Variants in DCC observed in about 807,000 individuals in gnomAD.
DCC encodes DCC netrin 1 receptor.
DCC carries 58 observed loss-of-function variants against 172.5 expected under a neutral mutation model. The observed-to-expected ratio is 0.34, with a 90% CI of 0.27 to 0.42. The LOEUF is 0.42. DCC is among the 10% of genes least tolerant of loss of function. The probability of loss-of-function intolerance (pLI) is 1.00; values close to 1 mark genes in which losing one functional copy is unlikely to be tolerated. For synonymous variants in DCC, 709 were observed against 644.5 expected (o/e 1.10, Z -1.52); for missense variants, 1,740 against 1,791.0 (o/e 0.97, Z 0.51).
chr18:52,617,686 T>C (rs545135330), intron 1 of DCC, among the ~76,000 whole-genome samples: 1 of 152,330 alleles, frequency 6.6e-6, no homozygotes, highest in Admixed American at 6.5e-5. Context: ...ATCTTTGCTT[T>C]CTTACCGTTC....
At chr18:53,288,885 ACTGG>A (rs1252795677) in intron 12 of DCC, among the ~76,000 whole-genome samples, 12 of 152,108 alleles carry the variant, frequency 7.9e-5, no homozygotes, top group African/African-American at 2.9e-4. Context: ...AATTGACCTG[ACTGG>A]CTGTTGAATG....
rs552233703 is a variant in DCC, at chr18:52,917,110, C to T, written c.698-6597C>T. On this transcript the variant is annotated intron_variant, in intron 3 of 28. Transcript: ENST00000442544. ...CCAGCCTGGGCAGTCTGGTGAAACC[C>T]CGTCTCAAAAAAAAAAAAAAAGAAA... Among the ~76,000 whole-genome samples the T allele has an allele frequency of 6.2e-3, 809 of 129,880 alleles. 4 individuals carry two copies. Among genetic ancestry groups the T allele is most frequent in the Middle Eastern group, 0.062 (13 of 210 alleles). The allele number at this position is 129,880 out of a possible 152,430, so 85.2% of individuals were successfully genotyped here.
intron 2 of DCC, among the ~76,000 whole-genome samples, chr18:52,807,279 G>C (rs942569290): frequency 6.6e-6 from 1 of 152,126 alleles, no homozygotes; most frequent in Non-Finnish European, 1.5e-5. Flanking sequence ...TGCGCCTCCT[G>C]CCTCTCTAGC....
chr18:52,836,658 A>G (rs185173358), intron 2 of DCC, among the ~76,000 whole-genome samples: 1 of 152,236 alleles, frequency 6.6e-6, no homozygotes, highest in African/African-American at 2.4e-5. Flanking sequence ...GGCCTTGGGC[A>G]GCTCTACTGC....
chr18:52,799,794 T>TA (rs1442600444), intron 2 of DCC, among the ~76,000 whole-genome samples: 4 of 152,290 alleles, frequency 2.6e-5, no homozygotes, highest in African/African-American at 9.6e-5. Flanking sequence ...GATACTTTGT[T>TA]TTATCTGTTA....
chr18:52,487,533 G>T (rs535098247), intron 1 of DCC, among the ~76,000 whole-genome samples: 3 of 152,040 alleles, frequency 2.0e-5, no homozygotes, highest in Admixed American at 6.6e-5. Context: ...GAAGTAGACC[G>T]GGCACGGTGG....
rs191796711 is a variant in DCC, at chr18:52,542,796, G to A, written c.91+201918G>A. 4.6e-5 allele frequency among the ~76,000 whole-genome samples: 7 copies of A among 152,166 alleles called. No homozygotes were observed. The East Asian group carries it at 1.4e-3, about 29-fold the overall frequency. On this transcript the variant is annotated intron_variant, in intron 1 of 28. Transcript: ENST00000442544. ...GGAGGTTGTAGTAAGCTGAGATAGT[G>A]CCATTGCACTCCAGCCTGGGTGACA...
At chr18:52,494,596 G>A (rs2030668242) in intron 1 of DCC, among the ~76,000 whole-genome samples, 1 of 151,538 alleles carries the variant, frequency 6.6e-6, no homozygotes, top group Non-Finnish European at 1.5e-5. Flanking sequence ...ATGTCTAATT[G>A]TCTGATAAGC....
At chr18:52,807,817 T>C (rs1017353077) in intron 2 of DCC, among the ~76,000 whole-genome samples, 1 of 152,244 alleles carries the variant, frequency 6.6e-6, no homozygotes, top group Non-Finnish European at 1.5e-5. Context: ...TTAAAGAGTT[T>C]AATGTGATTT....
intron 1 of DCC, among the ~76,000 whole-genome samples, chr18:52,695,075 A>G (rs1241551022): frequency 6.6e-6 from 1 of 152,102 alleles, no homozygotes; most frequent in Non-Finnish European, 1.5e-5. Flanking sequence ...TCAGCTGTAA[A>G]GTTGGGTAAA....
At chr18:53,141,896 T>C (rs143001345) in intron 7 of DCC, among the ~76,000 whole-genome samples, 1 of 152,304 alleles carries the variant, frequency 6.6e-6, no homozygotes, top group Non-Finnish European at 1.5e-5. Context: ...GGAAGTACAT[T>C]GAACACCAAG....
chr18:52,350,267 G>T (rs918916995), intron 1 of DCC, among the ~76,000 whole-genome samples: 1 of 152,190 alleles, frequency 6.6e-6, no homozygotes, highest in Non-Finnish European at 1.5e-5. Flanking sequence ...AGTACTCACC[G>T]AAAAGGGACA....
At position 52,666,462 on chromosome 18, in the gene DCC, CTT is replaced by C. The variant is rs548639867; in HGVS notation, c.92-85591_92-85590del. Among the ~76,000 whole-genome samples the C allele has an allele frequency of 2.1e-3, 323 of 152,280 alleles. 14 individuals are homozygous for C. The South Asian group carries it at 0.063, about 30-fold the overall frequency. ...AAATAGCAGTACTAGAATTTCCTCT[CTT>C]AAATAATTTGCTTTCATATTTATAT... On this transcript the variant is annotated intron_variant, in intron 1 of 28. Coordinates refer to ENST00000442544, the MANE Select transcript of DCC (RefSeq NM_005215.4).
intron 5 of DCC, among the ~76,000 whole-genome samples, chr18:52,943,227 G>C (rs2040490922): frequency 6.6e-6 from 1 of 152,190 alleles, no homozygotes; most frequent in Admixed American, 6.6e-5. Context: ...AAGGCTGATA[G>C]AGAATTTAGA....
At chr18:52,579,013 T>C (rs1052388941) in intron 1 of DCC, among the ~76,000 whole-genome samples, 10 of 152,098 alleles carry the variant, frequency 6.6e-5, no homozygotes, top group African/African-American at 2.4e-4. Flanking sequence ...ATCAGGTTGT[T>C]AAGCAACTGA....
At position 53,147,959 on chromosome 18, in the gene DCC, G is replaced by T. The variant is rs76276534; in HGVS notation, c.1262-9397G>T. Among the ~76,000 whole-genome samples the T allele has an allele frequency of 5.6e-3, 857 of 152,226 alleles. 6 individuals are homozygous for T. Among genetic ancestry groups the T allele is most frequent in the Admixed American group, 0.023 (353 of 15,290 alleles). Reference sequence around the variant, plus strand: ...ATGACCTACATTACTAAAGAGAGTAGCTTAAACCTTTAGTTCTTCTTACTT... The same window carrying T: ...ATGACCTACATTACTAAAGAGAGTATCTTAAACCTTTAGTTCTTCTTACTT... On this transcript the variant is annotated intron_variant, in intron 7 of 28. Coordinates refer to ENST00000442544, the MANE Select transcript of DCC (RefSeq NM_005215.4).
chr18:52,559,563 A>G (rs1266689148), intron 1 of DCC, among the ~76,000 whole-genome samples: 3 of 152,228 alleles, frequency 2.0e-5, no homozygotes, highest in Non-Finnish European at 4.4e-5. Flanking sequence ...ATCAAAATCG[A>G]ATTAGGTAAT....
chr18:53,325,952 A>G (rs934548972), intron 14 of DCC, among the ~76,000 whole-genome samples: 1 of 152,190 alleles, frequency 6.6e-6, no homozygotes, highest in Non-Finnish European at 1.5e-5. Flanking sequence ...GATTGTAAGG[A>G]AGTGTGTGTA....
At chr18:52,358,978 C>T (rs1168912796) in intron 1 of DCC, among the ~76,000 whole-genome samples, 1 of 152,184 alleles carries the variant, frequency 6.6e-6, no homozygotes, top group East Asian at 1.9e-4. Context: ...TTGTGTCTTC[C>T]AATTTATAAA....
Sources: gnomAD v4.1 joint callset for allele counts (sites outside exome capture counted in the v4.1 genomes callset) on GRCh38, gnomAD v4.1.1 for gene constraint, MANE v1.5 for transcripts, NCBI Gene and HGNC (gene_info 2026-07-23, HGNC 2026-07-21) for gene names.